Variants in SLC6A19 observed in about 807,000 individuals in gnomAD.
SLC6A19 encodes the protein sodium-dependent neutral amino acid transporter B(0)AT1.
SLC6A19 carries 67 observed loss-of-function variants against 68.3 expected under a neutral mutation model. The ratio of observed to expected loss-of-function variants is 0.98; its 90% CI spans 0.81 to 1.20. The LOEUF is 1.20. SLC6A19 is among the 50% of genes most tolerant of loss of function. The pLI is 0.00. For missense variants in SLC6A19, 813 were observed against 851.6 expected (o/e 0.95, Z 0.56); for synonymous variants, 392 against 374.9 (o/e 1.05, Z -0.53).
chr5:1,202,206 C>A (rs948433162), intron 1 of SLC6A19, among the ~76,000 whole-genome samples: 3 of 152,214 alleles, frequency 2.0e-5, no homozygotes, highest in Non-Finnish European at 4.4e-5. Flanking sequence ...GGGCTGGGCC[C>A]TCCTGGGCAT....
intron 1 of SLC6A19, among the ~76,000 whole-genome samples, chr5:1,204,608 G>A (rs2126491796): frequency 6.6e-6 from 1 of 152,350 alleles, no homozygotes; most frequent in East Asian, 1.9e-4. Context: ...AACCTCAGTT[G>A]CCCCGTGTGT....
At chr5:1,208,293 G>A (rs943661020) in intron 1 of SLC6A19, among the ~76,000 whole-genome samples, 10 of 152,180 alleles carry the variant, frequency 6.6e-5, no homozygotes, top group Admixed American at 4.6e-4. Context: ...GGAGGGACGT[G>A]GCAGGTGCAG....
Position 1,210,557 on chromosome 5 carries a change from T to A in SLC6A19, c.457T>A (p.Cys153Ser). The A allele has an allele frequency of 6.2e-7, 1 of 1,613,176 alleles. No individual in the cohort carries two copies. The highest frequency in any genetic ancestry group is 8.5e-7 in the Non-Finnish European group (1 of 1,180,024). ...CCAGGAGCCTCTGCCCTGGAGCGAC[T>A]GCCCGCTCAACGAGAACCAGACAGG... ...SFQEPLPWSDCPLNENQTGYV... is the reference protein window; with the variant it reads ...SFQEPLPWSDSPLNENQTGYV... The change falls in exon 3 of 12, where the codon TGC (cysteine) becomes AGC (serine). Residue 153 changes from cysteine (C) to serine (S), a missense_variant. Transcript: ENST00000304460.
rs747911904 is a variant in SLC6A19 at position 1,221,938 on chromosome 5, G to A, written c.*34G>A. On this transcript the variant is annotated 3_prime_UTR_variant, in exon 12 of 12. Transcript: ENST00000304460. ...ATCCCACGGCGTGCCATACACTGGT[G>A]TCAGGGAAGGAGGAACCAGCAAGAC... 1.2e-6 allele frequency: 2 copies of A among 1,607,246 alleles called. No homozygotes were observed. The highest frequency in any genetic ancestry group is 2.2e-5 in the East Asian group (1 of 44,682).
At chr5:1,203,034 C>A (rs918024177) in intron 1 of SLC6A19, among the ~76,000 whole-genome samples, 1 of 152,116 alleles carries the variant, frequency 6.6e-6, no homozygotes, top group African/African-American at 2.4e-5. Context: ...ACTGTCCTCG[C>A]CCCCTCCCCC....
chr5:1,206,406 C>T (rs1262042362), intron 1 of SLC6A19, among the ~76,000 whole-genome samples: 1 of 122,144 alleles, frequency 8.2e-6, no homozygotes, highest in Non-Finnish European at 2.0e-5. Flanking sequence ...CTCTCTGTCT[C>T]TGTCTCTCTG....
At position 1,208,730 on chromosome 5, in the gene SLC6A19, A is replaced by G; in HGVS notation, c.203-16A>G. Reference sequence around the variant, plus strand: ...CGGGAACGGCTCTCAGGCATGGTGGACTCCTCCCATTGCAGGAGCCTTCAT... The same window carrying G: ...CGGGAACGGCTCTCAGGCATGGTGGGCTCCTCCCATTGCAGGAGCCTTCAT... On this transcript the variant is annotated splice_polypyrimidine_tract_variant and intron_variant, in intron 1 of 11. Coordinates refer to ENST00000304460, the MANE Select transcript of SLC6A19 (RefSeq NM_001003841.3). The G allele has an allele frequency of 6.2e-7, 1 of 1,612,522 alleles. No individual in the cohort carries two copies. Among genetic ancestry groups the G allele is most frequent in the Non-Finnish European group, 8.5e-7 (1 of 1,179,780 alleles).
rs1465533259 is a variant in SLC6A19 at position 1,218,903 on chromosome 5, G to T, written c.1174G>T (p.Ala392Ser). 10 of 1,613,122 alleles carry T rather than the reference G, an allele frequency of 6.2e-6. No individual in the cohort carries two copies. Among genetic ancestry groups the T allele is most frequent in the South Asian group, 1.1e-5 (1 of 91,088 alleles). The stretch of plus-strand genomic sequence containing the variant: ...TGGTGACTGTGTGTCATCCGTGCAG[G>T]CCGTGGAGGGCACAGGCCTGGCCTT... ...TCDINAFLSE[A>S]VEGTGLAFIV... Residue 392 changes from alanine to serine, a missense_variant and splice_region_variant, in exon 9 of 12, where the codon GCC becomes TCC. Ala to Ser is a moderately conservative substitution (Grantham distance 99). Transcript: ENST00000304460.
At position 1,212,541 on chromosome 5, in the gene SLC6A19, C is replaced by T. The variant is rs186517310; in HGVS notation, c.663+57C>T. ...CTCCAGAGGGCGGGTGCGGGCAGCC[C>T]TGCCTCCGGCCGGCTGCACTCTAAA... On this transcript the variant is annotated intron_variant, in intron 4 of 11. Coordinates refer to ENST00000304460, the MANE Select transcript of SLC6A19 (RefSeq NM_001003841.3). This position sits in a 1 kb window ranked among gnomAD's most constrained non-coding sequence, Gnocchi z 5.1. 1,353 of 1,592,194 alleles carry T rather than the reference C, an allele frequency of 8.5e-4. 12 individuals carry two copies. In the African/African-American group the frequency reaches 0.017, roughly 20 times the overall value.
At chr5:1,202,132 T>C (rs1745723288) in intron 1 of SLC6A19, among the ~76,000 whole-genome samples, 1 of 152,194 alleles carries the variant, frequency 6.6e-6, no homozygotes, top group Admixed American at 6.5e-5. Flanking sequence ...TGGAACGTTC[T>C]GGCCTGAGGG....
chr5:1,204,184 G>A (rs550670114), intron 1 of SLC6A19, among the ~76,000 whole-genome samples: 5 of 152,226 alleles, frequency 3.3e-5, no homozygotes, highest in African/African-American at 9.6e-5. Context: ...CCTCCTGAGT[G>A]TCTGGGATTG....
chr5:1,212,513 G>C lies in SLC6A19; in HGVS notation c.663+29G>C. 1 of 1,602,470 alleles carries C rather than the reference G, an allele frequency of 6.2e-7. No individual in the cohort carries two copies. Among genetic ancestry groups the C allele is most frequent in the Non-Finnish European group, 8.5e-7 (1 of 1,179,560 alleles). On this transcript the variant is annotated intron_variant, in intron 4 of 11. Coordinates refer to ENST00000304460, the MANE Select transcript of SLC6A19 (RefSeq NM_001003841.3). The surrounding 1 kb of genome is among the most constrained non-coding windows in gnomAD (Gnocchi z 5.1). ...CTGCATGGGCCCGGCCAGGCTGCAG[G>C]TGCTCCAGAGGGCGGGTGCGGGCAG... is the stretch of plus-strand genomic sequence containing the variant.
Position 1,208,820 on chromosome 5 carries a change from G to T in SLC6A19, c.277G>T (p.Gly93Trp), listed in dbSNP as rs757679627. Residue 93 changes from glycine to tryptophan, a missense_variant, in exon 2 of 12, where the codon GGG becomes TGG. Gly to Trp is a radical substitution (Grantham distance 184). Coordinates refer to ENST00000304460, the MANE Select transcript of SLC6A19 (RefSeq NM_001003841.3). ...IPLLYLEFAI[G>W]QRLRRGSLGV... ...CCTGCTGTACCTGGAGTTCGCCATC[G>T]GGCAGCGGCTGCGGCGGGGCAGCCT... The T allele has an allele frequency of 6.2e-7, 1 of 1,613,224 alleles. No individual in the cohort carries two copies. Among genetic ancestry groups the T allele is most frequent in the East Asian group, 2.2e-5 (1 of 44,852 alleles).
intron 8 of SLC6A19, 40 bp downstream of exon 8, chr5:1,216,985 C>T: frequency 6.2e-7 from 1 of 1,610,554 alleles, no homozygotes; most frequent in South Asian, 1.1e-5. Context: ...AGAGGGCACC[C>T]CTTGCTGGCA....
Position 1,216,945 on chromosome 5 carries a change from G to A in SLC6A19, c.1173G>A (p.Glu391=), listed in dbSNP as rs1464664971. The A allele has an allele frequency of 5.0e-6, 8 of 1,612,520 alleles. No homozygotes were observed. Among genetic ancestry groups the A allele is most frequent in the Non-Finnish European group, 6.8e-6 (8 of 1,180,006 alleles). ...GCGACATCAACGCCTTCCTCTCAGA[G>A]GTAGGTCCATTCCGGAGCTCGAGGC... ...QTCDINAFLS[E]AVEGTGLAFI... The change falls in exon 8 of 12, where the codon GAG becomes GAA. Residue 391 remains glutamate (E), a splice_region_variant and synonymous_variant. Coordinates refer to ENST00000304460, the MANE Select transcript of SLC6A19 (RefSeq NM_001003841.3).
chr5:1,219,415 A>C, intron 9 of SLC6A19, 90 bp from the exon 10 acceptor site: 1 of 1,469,646 alleles, frequency 6.8e-7, no homozygotes, highest in Non-Finnish European at 9.1e-7. Context: ...CCCTGGCCAT[A>C]TGTGCAGCCC....
rs1746137223 is a variant in SLC6A19, at chr5:1,214,171, G to A, written c.887+106G>A. 2.6e-6 allele frequency: 4 copies of A among 1,563,324 alleles called. No homozygotes were observed. The highest frequency in any genetic ancestry group is 3.5e-6 in the Non-Finnish European group (4 of 1,155,656). On this transcript the variant is annotated intron_variant, in intron 6 of 11. Transcript: ENST00000304460. This position sits in a 1 kb window ranked among gnomAD's most constrained non-coding sequence, Gnocchi z 7.4. The stretch of plus-strand genomic sequence containing the variant: ...AGCACTCTGTGGCTGTGTGGCCGGG[G>A]CCTTGCTGCCCCGATGGGCCCGTTC...
In SLC6A19 at chr5:1,212,430, C is replaced by A. The variant is rs778387537; in HGVS notation, c.609C>A (p.Cys203Ter). ...IQWWMLLCLA[C>*]AWSVLYMCTI... Reference sequence around the variant, plus strand: ...GGTGGATGCTGCTGTGCCTGGCCTGCGCATGGAGCGTCCTGTACATGTGCA... The same window carrying A: ...GGTGGATGCTGCTGTGCCTGGCCTGAGCATGGAGCGTCCTGTACATGTGCA... Residue 203 changes from cysteine to a stop codon, truncating the protein, a stop_gained, in exon 4 of 12, where the codon TGC becomes TGA. Coordinates refer to ENST00000304460, the MANE Select transcript of SLC6A19 (RefSeq NM_001003841.3). LOFTEE classifies it high-confidence loss of function. The surrounding 1 kb of genome is among the most constrained non-coding windows in gnomAD (Gnocchi z 5.1). 6.2e-7 allele frequency: 1 copy of A among 1,611,706 alleles called. No individual in the cohort carries two copies. The highest frequency in any genetic ancestry group is 8.5e-7 in the Non-Finnish European group (1 of 1,179,928).
Position 1,216,817 on chromosome 5 carries a change from G to A in SLC6A19, c.1045G>A (p.Asp349Asn), listed in dbSNP as rs1746223639. 5.0e-6 allele frequency: 8 copies of A among 1,613,770 alleles called. No homozygotes were observed. The highest frequency in any genetic ancestry group is 2.2e-5 in the East Asian group (1 of 44,884). ...CATCCTGACCCTCATCAACGGGTTC[G>A]ACCTGCCTGAAGGCAACGTGACCCA... ...TNILTLINGF[D>N]LPEGNVTQEN... The change falls in exon 8 of 12, where the codon GAC becomes AAC. Residue 349 changes from aspartate (D) to asparagine (N), a missense_variant. Transcript: ENST00000304460.
Sources: allele counts gnomAD v4.1 joint callset (sites outside exome capture counted in the v4.1 genomes callset), GRCh38; gene constraint gnomAD v4.1.1; non-coding constraint Gnocchi (gnomAD v3.1); transcripts MANE v1.5; gene names NCBI Gene and HGNC (gene_info 2026-07-23, HGNC 2026-07-21).